ATXN1: variants seen among roughly 807,000 people sequenced by gnomAD.
ATXN1 encodes the protein ataxin 1, also known as ataxin-1.
In ATXN1, 8 loss-of-function variants were observed where a neutral mutation model predicts 56.4. That is an observed-to-expected ratio of 0.14 (90% CI 0.08 to 0.26). The LOEUF is 0.26. ATXN1 is among the 10% of genes least tolerant of loss of function. The pLI is 1.00. For synonymous variants in ATXN1, 514 were observed against 494.6 expected (o/e 1.04, Z -0.52); for missense variants, 987 against 1,106.5 (o/e 0.89, Z 1.53).
rs1186972835 is a variant in ATXN1, at chr6:16,386,690, T to C, written c.-160-58220A>G. ...GAAGGACCTTGTGTAAAGAGTATAA[T>C]GGTAACAAAAATAAAAGAAATGAAG... On this transcript the variant is annotated intron_variant, in intron 6 of 7. Transcript: ENST00000436367. Among the ~76,000 whole-genome samples, 8 of 152,054 alleles carry C rather than the reference T, an allele frequency of 5.3e-5. No individual in the cohort carries two copies. In the East Asian group the frequency reaches 1.5e-3, roughly 29 times the overall value.
At chr6:16,622,410 C>T (rs749934264) in intron 3 of ATXN1, among the ~76,000 whole-genome samples, 8 of 152,022 alleles carry the variant, frequency 5.3e-5, no homozygotes, top group Non-Finnish European at 1.2e-4. Context: ...TAACGATAAC[C>T]AAACAAGCAA....
chr6:16,748,098 C>T (rs1324497354), intron 2 of ATXN1, among the ~76,000 whole-genome samples: 1 of 152,102 alleles, frequency 6.6e-6, no homozygotes, highest in Non-Finnish European at 1.5e-5. Context: ...TAAGCCAATC[C>T]CCTGAAACGG....
intron 2 of ATXN1, among the ~76,000 whole-genome samples, chr6:16,747,121 C>T (rs1343164948): frequency 6.6e-6 from 1 of 152,148 alleles, no homozygotes; most frequent in East Asian, 1.9e-4. Flanking sequence ...ACATTCTATA[C>T]ATATTAAATT....
At chr6:16,575,145 T>A (rs1021445954) in intron 4 of ATXN1, among the ~76,000 whole-genome samples, 11 of 152,216 alleles carry the variant, frequency 7.2e-5, no homozygotes, top group Admixed American at 6.5e-4. Flanking sequence ...CCAGGATTCT[T>A]CACCGTAAAC....
At chr6:16,394,278 A>G (rs1284270110) in intron 6 of ATXN1, among the ~76,000 whole-genome samples, 3 of 152,202 alleles carry the variant, frequency 2.0e-5, no homozygotes, top group Non-Finnish European at 2.9e-5. Flanking sequence ...TGAATGAGCT[A>G]AAATTTCAAT....
intron 2 of ATXN1, among the ~76,000 whole-genome samples, chr6:16,696,272 T>C (rs548236527): frequency 1.4e-4 from 21 of 152,160 alleles, no homozygotes; most frequent in Admixed American, 9.8e-4. Flanking sequence ...TGAAAGGAGA[T>C]TGAAGACATG....
intron 3 of ATXN1, among the ~76,000 whole-genome samples, chr6:16,606,568 G>A (rs1424802422): frequency 1.3e-5 from 2 of 150,644 alleles, no homozygotes; most frequent in East Asian, 2.0e-4. Context: ...TTGCTCTGTC[G>A]CCCAGGCTGG....
intron 6 of ATXN1, among the ~76,000 whole-genome samples, chr6:16,403,003 AT>A (rs57464015): frequency 4.1e-4 from 63 of 152,222 alleles, no homozygotes; most frequent in African/African-American, 1.3e-3. Context: ...TAGATAGTGA[AT>A]TTTTTTTAAC....
At chr6:16,418,632 T>A (rs1758965636) in intron 6 of ATXN1, among the ~76,000 whole-genome samples, 1 of 151,520 alleles carries the variant, frequency 6.6e-6, no homozygotes, top group Admixed American at 6.6e-5. Flanking sequence ...TATGTATACA[T>A]GTGCCATGCT....
intron 5 of ATXN1, among the ~76,000 whole-genome samples, chr6:16,487,711 T>C (rs1214088571): frequency 6.6e-6 from 1 of 152,208 alleles, no homozygotes; most frequent in Admixed American, 6.5e-5. Context: ...TAAATAATTA[T>C]ATGAGTTTTA....
intron 5 of ATXN1, among the ~76,000 whole-genome samples, chr6:16,507,511 T>C (rs1432261579): frequency 2.6e-5 from 4 of 152,222 alleles, no homozygotes; most frequent in Non-Finnish European, 4.4e-5. Flanking sequence ...TAGAAGCTCT[T>C]TCTTTGACTG....
chr6:16,597,717 A>G (rs964799062), intron 3 of ATXN1, among the ~76,000 whole-genome samples: 2 of 152,192 alleles, frequency 1.3e-5, no homozygotes, highest in Non-Finnish European at 2.9e-5. Context: ...TGGGATTTGC[A>G]GGCGTGAGCC....
intron 4 of ATXN1, among the ~76,000 whole-genome samples, chr6:16,526,848 A>C (rs1225616130): frequency 6.6e-6 from 1 of 152,086 alleles, no homozygotes; most frequent in African/African-American, 2.4e-5. Flanking sequence ...ATAATGGGTG[A>C]ATAGGGATGG....
chr6:16,720,198 C>T (rs1759718246), intron 2 of ATXN1, among the ~76,000 whole-genome samples: 1 of 152,164 alleles, frequency 6.6e-6, no homozygotes, highest in South Asian at 2.1e-4. Context: ...TACCTTACTG[C>T]AGTCTCTGTA....
chr6:16,743,222 A>G (rs1020744809), intron 2 of ATXN1, among the ~76,000 whole-genome samples: 2 of 152,246 alleles, frequency 1.3e-5, no homozygotes, highest in African/African-American at 4.8e-5. Flanking sequence ...TAAGTGCAGT[A>G]CTATAAAACT....
Position 16,720,648 on chromosome 6 carries a change from T to C in ATXN1, c.-615+32585A>G, listed in dbSNP as rs575633527. Among the ~76,000 whole-genome samples, 251 of 152,324 alleles carry C rather than the reference T, an allele frequency of 1.6e-3. 1 individual carries two copies. Among genetic ancestry groups the C allele is most frequent in the African/African-American group, 5.6e-3 (234 of 41,582 alleles). On this transcript the variant is annotated intron_variant, in intron 2 of 7. Coordinates refer to ENST00000436367, the MANE Select transcript of ATXN1 (RefSeq NM_001128164.2). ...AGGGTTTACAACCTCTCTCCAATGC[T>C]CTTCTATTAAAACTCAGTTGATCCA...
chr6:16,402,267 T>C (rs992225733), intron 6 of ATXN1, among the ~76,000 whole-genome samples: 36 of 142,400 alleles, frequency 2.5e-4, no homozygotes, highest in African/African-American at 9.4e-4. Context: ...TTTTTTTTTT[T>C]TTTTTTTTTT....
At chr6:16,351,591 C>T (rs775656043) in intron 6 of ATXN1, among the ~76,000 whole-genome samples, 9 of 151,994 alleles carry the variant, frequency 5.9e-5, no homozygotes, top group South Asian at 2.1e-4. Context: ...TTTGTAGAGA[C>T]GGGGTTTCAC....
chr6:16,621,926 C>T (rs1434886898), intron 3 of ATXN1, among the ~76,000 whole-genome samples: 3 of 152,086 alleles, frequency 2.0e-5, no homozygotes, highest in Non-Finnish European at 4.4e-5. Flanking sequence ...TAAATGTGGG[C>T]GAGTAGTTTA....
Sources: gnomAD v4.1 joint callset for allele counts (sites outside exome capture counted in the v4.1 genomes callset) on GRCh38, gnomAD v4.1.1 for gene constraint, MANE v1.5 for transcripts, NCBI Gene and HGNC (gene_info 2026-07-23, HGNC 2026-07-21) for gene names.